Variants in PRKCH observed in about 807,000 individuals in gnomAD.
PRKCH encodes protein kinase C eta.
In PRKCH, 28 loss-of-function variants were observed where a neutral mutation model predicts 82.5. The observed-to-expected ratio is 0.34, with a 90% CI of 0.25 to 0.47. The LOEUF is 0.47. PRKCH is among the 20% of genes least tolerant of loss of function. The probability of loss-of-function intolerance (pLI) is 1.00; values close to 1 mark genes in which losing one functional copy is unlikely to be tolerated. For missense variants in PRKCH, 705 were observed against 881.8 expected, an observed-to-expected ratio of 0.80 and a Z score of 2.54; for synonymous variants, 322 against 327.4, an observed-to-expected ratio of 0.98 and a Z score of 0.18.
chr14:61,395,005 T>C (rs1594658544), intron 2 of PRKCH, among the ~76,000 whole-genome samples: 1 of 152,316 alleles, frequency 6.6e-6, no homozygotes, highest in African/African-American at 2.4e-5. Flanking sequence ...CTATTCCTCT[T>C]AGGTGTGTTT....
At chr14:61,486,289 T>TGCTGTA (rs3837624) in intron 10 of PRKCH, among the ~76,000 whole-genome samples, 131,890 of 152,034 alleles carry the variant, frequency 0.87, 58,957 homozygotes, top group Non-Finnish European at 0.96. Flanking sequence ...TGCTCTAAGT[T>TGCTGTA]ACAAGAATTA....
chr14:61,202,734 G>A (rs2044492125), intron 1 of PRKCH, among the ~76,000 whole-genome samples: 1 of 151,968 alleles, frequency 6.6e-6, no homozygotes, highest in Admixed American at 6.6e-5. Flanking sequence ...AAAGTTTTAG[G>A]TTTACAGAAA....
Position 61,401,737 on chromosome 14 carries a change from A to T in PRKCH, c.427+10449A>T, listed in dbSNP as rs536854407. Among the ~76,000 whole-genome samples, 77 of 152,358 alleles carry T rather than the reference A, an allele frequency of 5.1e-4. No homozygotes were observed. In the South Asian group the frequency reaches 0.016, roughly 31 times the overall value. On this transcript the variant is annotated intron_variant, in intron 2 of 13. Coordinates refer to ENST00000332981, the MANE Select transcript of PRKCH (RefSeq NM_006255.5). ...TCAATCCTTGACTATATACCTTTGT[A>T]ACATTCTGTGTGACAAAATGGGAAA...
At chr14:61,396,905 C>CT (rs1444799690) in intron 2 of PRKCH, among the ~76,000 whole-genome samples, 1 of 152,150 alleles carries the variant, frequency 6.6e-6, no homozygotes, top group South Asian at 2.1e-4. Flanking sequence ...CCACTGTTCA[C>CT]TTTCAAAAGG....
chr14:61,391,250 T>G lies in PRKCH; in HGVS notation c.389T>G (p.Val130Gly). The change falls in exon 2 of 14, where the codon GTA becomes GGA. Residue 130 changes from valine (V) to glycine (G), a missense_variant. By Grantham distance (109) the Val-to-Gly change is moderately radical. Around this residue, in one of 5 missense-constraint regions of PRKCH, gnomAD observed 246 missense variants for 308.0 expected, o/e 0.80. Transcript: ENST00000332981. ...GTGGATCTCGAGCCAGAGGGGAAAG[T>G]ATTTGTGGTAATAACCCTTACCGGG... ...GWVDLEPEGK[V>G]FVVITLTGSF... 2 of 1,611,684 alleles carry G rather than the reference T, an allele frequency of 1.2e-6. No individual in the cohort carries two copies. The highest frequency in any genetic ancestry group is 1.7e-6 in the Non-Finnish European group (2 of 1,178,944).
At chr14:61,317,258 T>C (rs1420509734), upstream of PRKCH, among the ~76,000 whole-genome samples, 2 of 152,150 alleles carry the variant, frequency 1.3e-5, no homozygotes, top group Admixed American at 1.3e-4. Flanking sequence ...ATCTTCTTCC[T>C]CAGCTCTCAC....
intron 1 of PRKCH, among the ~76,000 whole-genome samples, chr14:61,352,073 A>ATT (rs1297701737): frequency 1.3e-5 from 2 of 152,080 alleles, no homozygotes; most frequent in Non-Finnish European, 2.9e-5. Context: ...GGCAACTTGA[A>ATT]CCCCTGGGTT....
At chr14:61,428,342 GT>G (rs1172334834) in intron 2 of PRKCH, among the ~76,000 whole-genome samples, 1 of 151,976 alleles carries the variant, frequency 6.6e-6, no homozygotes, top group Non-Finnish European at 1.5e-5. Context: ...CTCTATTTTA[GT>G]GTTAATGCTG....
chr14:61,416,741 G>A (rs1392405765), intron 2 of PRKCH, among the ~76,000 whole-genome samples: 3 of 151,820 alleles, frequency 2.0e-5, no homozygotes, highest in Non-Finnish European at 2.9e-5. Flanking sequence ...GGCAACACCC[G>A]TTGGAGTCTC....
chr14:61,403,422 A>T (rs937501197), intron 2 of PRKCH, among the ~76,000 whole-genome samples: 1 of 152,228 alleles, frequency 6.6e-6, no homozygotes, highest in Non-Finnish European at 1.5e-5. Context: ...GATACAGGTG[A>T]CAGAATTGTC....
intron 1 of PRKCH, among the ~76,000 whole-genome samples, chr14:61,192,692 A>G (rs529297538): frequency 2.6e-5 from 4 of 152,322 alleles, no homozygotes; most frequent in African/African-American, 9.6e-5. Flanking sequence ...GCAACAAGAC[A>G]CTACTGAGCT....
chr14:61,243,452 T>C (rs1419942429), intron 1 of PRKCH, among the ~76,000 whole-genome samples: 1 of 150,326 alleles, frequency 6.7e-6, no homozygotes, highest in Non-Finnish European at 1.5e-5. Flanking sequence ...GAGGAAGATA[T>C]TCTAGGTGGA....
rs2045971892 is a variant in PRKCH at position 61,344,801 on chromosome 14, C to T, written c.363+22337C>T. Among the ~76,000 whole-genome samples, 5 of 152,230 alleles carry T rather than the reference C, an allele frequency of 3.3e-5. 1 individual carries two copies. In the South Asian group the frequency reaches 1.0e-3, roughly 32 times the overall value. On this transcript the variant is annotated intron_variant, in intron 1 of 13. Transcript: ENST00000332981. ...CCCGCCTGCCTATGTGACCTGTTTT[C>T]ACCAGATCCAGATTGCTAGCCCCTT...
intron 9 of PRKCH, among the ~76,000 whole-genome samples, chr14:61,469,330 G>A (rs2140309685): frequency 6.6e-6 from 1 of 152,332 alleles, no homozygotes; most frequent in South Asian, 2.1e-4. Flanking sequence ...AGTAAATATA[G>A]TCCTTATGCT....
chr14:61,492,317 T>C (rs1360115686), intron 10 of PRKCH: 1 of 152,216 alleles, frequency 6.6e-6, no homozygotes, highest in East Asian at 1.9e-4. Context: ...TCACAGTGAG[T>C]TCTCTGTGTC....
intron 1 of PRKCH, among the ~76,000 whole-genome samples, chr14:61,308,503 T>C (rs1389075497): frequency 2.0e-5 from 3 of 152,234 alleles, no homozygotes; most frequent in Admixed American, 6.5e-5. Flanking sequence ...ATCACACCCA[T>C]TGTACCCATG....
chr14:61,484,764 C>CGTT, intron 9 of PRKCH, among the ~76,000 whole-genome samples: 1 of 121,206 alleles, frequency 8.3e-6, no homozygotes, highest in African/African-American at 3.2e-5. Flanking sequence ...ATTTGGCTTC[C>CGTT]TTTTTTTTTT....
chr14:61,305,429 GT>G (rs2045479753), intron 1 of PRKCH: 2 of 151,810 alleles, frequency 1.3e-5, no homozygotes, highest in Admixed American at 1.3e-4. Context: ...CTCCCAAAGT[GT>G]TGGGATTACA....
intron 2 of PRKCH, among the ~76,000 whole-genome samples, chr14:61,402,916 G>A (rs1286912005): frequency 6.6e-6 from 1 of 151,316 alleles, no homozygotes; most frequent in East Asian, 1.9e-4. Flanking sequence ...TAGGGTACAT[G>A]TGCACAATGT....
Sources: allele counts gnomAD v4.1 joint callset (sites outside exome capture counted in the v4.1 genomes callset), GRCh38; gene constraint gnomAD v4.1.1; regional missense constraint gnomAD v4.1.1; transcripts MANE v1.5; gene names NCBI Gene and HGNC (gene_info 2026-07-23, HGNC 2026-07-21).